The following LYST variants were observed in gnomAD, a reference collection of about 807,000 sequenced individuals.
The protein encoded by LYST is lysosomal trafficking regulator, also known as lysosomal-trafficking regulator.
Under a neutral mutation model 413.6 loss-of-function variants are expected in LYST, and 192 were observed. The observed-to-expected ratio is 0.46, with a 90% confidence interval of 0.41 to 0.52. The LOEUF (loss-of-function observed/expected upper bound fraction) is 0.52, where lower values mean the gene tolerates loss of function less well. LYST is among the 20% of genes least tolerant of loss of function. The probability of loss-of-function intolerance (pLI) is 0.00; values close to 1 mark genes in which losing one functional copy is unlikely to be tolerated. For missense variants in LYST, 3,815 were observed against 4,499.9 expected (o/e 0.85, Z 4.35); for synonymous variants, 1,525 against 1,567.3 (o/e 0.97, Z 0.64).
intron 36 of LYST, among the ~76,000 whole-genome samples, chr1:235,730,611 GTGTATA>G (rs1558161664): frequency 2.3e-5 from 2 of 85,248 alleles, no homozygotes; most frequent in Non-Finnish European, 5.0e-5. Flanking sequence ...GTGTGTGTGT[GTGTATA>G]TGTAAACTAA....
chr1:235,839,857 TAAATA>T (rs1677024667), intron 1 of LYST: 1 of 151,712 alleles, frequency 6.6e-6, no homozygotes, highest in African/African-American at 2.4e-5. Flanking sequence ...AATAAATAAA[TAAATA>T]AAATAAATCA....
chr1:235,676,806 A>C (rs970510938), intron 50 of LYST, among the ~76,000 whole-genome samples: 1 of 152,222 alleles, frequency 6.6e-6, no homozygotes, highest in African/African-American at 2.4e-5. Context: ...AACTGAAAAA[A>C]CTATGTAACA....
intron 50 of LYST, among the ~76,000 whole-genome samples, chr1:235,676,146 T>C (rs776676486): frequency 1.1e-4 from 16 of 152,180 alleles, no homozygotes; most frequent in African/African-American, 3.9e-4. Flanking sequence ...CACTCTTGAT[T>C]AGGTGATATA....
chr1:235,684,530 A>G lies in LYST; in HGVS notation c.10800+2419T>C, dbSNP rs116574620. 3.0e-3 allele frequency among the ~76,000 whole-genome samples: 450 copies of G among 152,338 alleles called. 1 individual carries two copies. The highest frequency in any genetic ancestry group is 4.4e-3 in the Non-Finnish European group (299 of 68,032). ...TGAATATTACAGATGTTATAAAATTAACATTCATTTTAAGCCTTTGGGAAT... is the reference window on the plus strand; with the variant it reads ...TGAATATTACAGATGTTATAAAATTGACATTCATTTTAAGCCTTTGGGAAT... On this transcript the variant is annotated intron_variant, in intron 48 of 52. Transcript: ENST00000389793.
intron 42 of LYST, among the ~76,000 whole-genome samples, chr1:235,714,250 C>G (rs6661341): frequency 0.69 from 105,344 of 151,996 alleles, 38,634 homozygotes; most frequent in African/African-American, 0.92. Flanking sequence ...GGTATTCCTT[C>G]CAGCAGCTGG....
At chr1:235,767,149 T>A (rs191764297) in intron 20 of LYST, among the ~76,000 whole-genome samples, 168 of 152,208 alleles carry the variant, frequency 1.1e-3, no homozygotes, top group Non-Finnish European at 2.1e-3. Flanking sequence ...ATAAATTGCT[T>A]ATATCCTCCA....
chr1:235,769,645 G>A (rs567807450), intron 20 of LYST, among the ~76,000 whole-genome samples: 62 of 151,736 alleles, frequency 4.1e-4, no homozygotes, highest in African/African-American at 1.5e-3. Flanking sequence ...TATCAATAAA[G>A]GCAGAGAAAA....
intron 2 of LYST, among the ~76,000 whole-genome samples, chr1:235,831,356 G>A (rs187783952): frequency 9.2e-5 from 14 of 152,204 alleles, no homozygotes; most frequent in Admixed American, 3.9e-4. Context: ...GATGTGACTC[G>A]TATAGTGTGG....
intron 31 of LYST, among the ~76,000 whole-genome samples, chr1:235,740,118 G>C (rs572914019): frequency 6.6e-6 from 1 of 152,238 alleles, no homozygotes; most frequent in Middle Eastern, 3.4e-3. Flanking sequence ...GGAAGACAGT[G>C]CCCTCAGTGT....
At chr1:235,734,095 A>G (rs1467390711) in intron 32 of LYST, among the ~76,000 whole-genome samples, 189 bp from the exon 33 acceptor site, 1 of 152,120 alleles carries the variant, frequency 6.6e-6, no homozygotes, top group Non-Finnish European at 1.5e-5. Flanking sequence ...GTGTCTATAT[A>G]ATTTAGGTCA....
chr1:235,831,153 T>C (rs1392663392), intron 2 of LYST, among the ~76,000 whole-genome samples: 1 of 152,188 alleles, frequency 6.6e-6, no homozygotes, highest in Non-Finnish European at 1.5e-5. Flanking sequence ...TCCAGTAACC[T>C]TTAAAAGATA....
At chr1:235,787,788 T>G (rs1419368676) in intron 13 of LYST, among the ~76,000 whole-genome samples, 1 of 152,160 alleles carries the variant, frequency 6.6e-6, no homozygotes, top group African/African-American at 2.4e-5. Context: ...GAGGAGATAA[T>G]GTACATAAGG....
intron 3 of LYST, among the ~76,000 whole-genome samples, chr1:235,814,891 C>G (rs1673876463): frequency 6.6e-6 from 1 of 152,172 alleles, no homozygotes; most frequent in Admixed American, 6.5e-5. Flanking sequence ...CACATGAGCC[C>G]TCCGCATACA....
At chr1:235,797,903 A>G (rs574843783) in intron 10 of LYST, among the ~76,000 whole-genome samples, 24 of 152,338 alleles carry the variant, frequency 1.6e-4, no homozygotes, top group African/African-American at 5.8e-4. Context: ...CAGAATATAT[A>G]GAGAACTCTT....
intron 28 of LYST, chr1:235,747,158 C>G (rs1439816546): frequency 2.5e-6 from 1 of 406,294 alleles, no homozygotes; most frequent in Middle Eastern, 3.5e-4. Flanking sequence ...CATTCCTGCA[C>G]CATTACTGCA....
chr1:235,741,254 G>A (rs1304317051), intron 31 of LYST, among the ~76,000 whole-genome samples, 168 bp downstream of exon 31: 2 of 152,160 alleles, frequency 1.3e-5, no homozygotes, highest in Admixed American at 1.3e-4. Context: ...AGGTTAAATT[G>A]AGCCTGTGTG....
intron 3 of LYST, among the ~76,000 whole-genome samples, chr1:235,813,702 A>AGTG (rs1558290119): frequency 2.6e-5 from 4 of 152,228 alleles, no homozygotes; most frequent in African/African-American, 9.7e-5. Flanking sequence ...GGCATGTAGT[A>AGTG]TGAGTAAGTA....
intron 14 of LYST, among the ~76,000 whole-genome samples, chr1:235,786,808 C>A (rs532587238): frequency 1.6e-4 from 24 of 148,844 alleles, no homozygotes; most frequent in African/African-American, 6.0e-4. Flanking sequence ...GACAAAAAAC[C>A]AAACACCGCA....
intron 34 of LYST, among the ~76,000 whole-genome samples, 167 bp downstream of exon 34, chr1:235,733,336 A>C (rs1257688868): frequency 2.0e-5 from 3 of 152,142 alleles, no homozygotes; most frequent in Non-Finnish European, 4.4e-5. Context: ...ATTAAAAAAA[A>C]CTCATATGAT....
Sources: gnomAD v4.1 joint callset for allele counts (sites outside exome capture counted in the v4.1 genomes callset) on GRCh38, gnomAD v4.1.1 for gene constraint, MANE v1.5 for transcripts, NCBI Gene and HGNC (gene_info 2026-07-23, HGNC 2026-07-21) for gene names.